The following KCNB2 variants were observed in gnomAD, a reference collection of about 807,000 sequenced individuals.
KCNB2 encodes the protein potassium voltage-gated channel subfamily B member 2, also known as delayed rectifier potassium channel protein.
A neutral mutation model predicts 61.5 loss-of-function variants in KCNB2; 15 were observed. The ratio of observed to expected loss-of-function variants is 0.24; its 90% CI spans 0.16 to 0.38. The LOEUF is 0.38. Among genes scored for constraint, KCNB2 ranks in the 10% least tolerant of loss-of-function variants. The probability of loss-of-function intolerance (pLI) is 1.00; values close to 1 mark genes in which losing one functional copy is unlikely to be tolerated. For missense variants in KCNB2, 828 were observed against 1,125.2 expected (o/e 0.74, Z 3.78); for synonymous variants, 457 against 446.0 (o/e 1.02, Z -0.31).
intron 2 of KCNB2, among the ~76,000 whole-genome samples, chr8:72,815,042 G>A (rs569709019): frequency 1.6e-3 from 244 of 152,274 alleles, no homozygotes; most frequent in Non-Finnish European, 2.8e-3. Context: ...TAAAGGTCAT[G>A]AAGAAGAAGT....
At chr8:72,711,940 T>A (rs1391271906) in intron 2 of KCNB2, among the ~76,000 whole-genome samples, 1 of 152,184 alleles carries the variant, frequency 6.6e-6, no homozygotes, top group African/African-American at 2.4e-5. Context: ...TGCAGTGAGC[T>A]GAGATCACAC....
At chr8:72,913,378 CAGG>C (rs1585971424) in intron 2 of KCNB2, among the ~76,000 whole-genome samples, 1 of 152,176 alleles carries the variant, frequency 6.6e-6, no homozygotes, top group East Asian at 1.9e-4. Flanking sequence ...GTCTTCCCTT[CAGG>C]AGATTACATT....
chr8:72,560,652 C>T (rs1033769608), intron 1 of KCNB2, among the ~76,000 whole-genome samples: 2 of 152,176 alleles, frequency 1.3e-5, no homozygotes, highest in African/African-American at 4.8e-5. Context: ...ATAGAAAACC[C>T]ACTAGCTGAA....
intron 2 of KCNB2, among the ~76,000 whole-genome samples, chr8:72,653,511 T>C (rs1394315891): frequency 1.3e-5 from 2 of 152,186 alleles, no homozygotes; most frequent in Non-Finnish European, 2.9e-5. Flanking sequence ...TTATTTATTT[T>C]TTGTTTATTG....
At chr8:72,690,573 C>G (rs1806925083) in intron 2 of KCNB2, among the ~76,000 whole-genome samples, 1 of 152,232 alleles carries the variant, frequency 6.6e-6, no homozygotes, top group Non-Finnish European at 1.5e-5. Flanking sequence ...AATCTTCTTG[C>G]AGACATAACC....
intron 2 of KCNB2, among the ~76,000 whole-genome samples, chr8:72,686,157 T>C (rs1226692170): frequency 6.6e-6 from 1 of 152,200 alleles, no homozygotes; most frequent in Non-Finnish European, 1.5e-5. Context: ...TTTTCCCATT[T>C]GAAACACAAA....
At chr8:72,599,059 A>G (rs1181803553) in intron 2 of KCNB2, among the ~76,000 whole-genome samples, 2 of 152,186 alleles carry the variant, frequency 1.3e-5, no homozygotes, top group Non-Finnish European at 2.9e-5. Flanking sequence ...TCCCCATCAA[A>G]CTACCAATGA....
chr8:72,572,262 A>G (rs1414420427), intron 2 of KCNB2, among the ~76,000 whole-genome samples: 1 of 152,170 alleles, frequency 6.6e-6, no homozygotes, highest in Non-Finnish European at 1.5e-5. Flanking sequence ...GCATAAGTGG[A>G]TGTGTGTGCC....
At chr8:72,552,639 A>G (rs1806361926) in intron 1 of KCNB2, among the ~76,000 whole-genome samples, 1 of 152,188 alleles carries the variant, frequency 6.6e-6, no homozygotes, top group East Asian at 1.9e-4. Context: ...CATGTAAGCA[A>G]TCTTTGGTGC....
chr8:72,541,452 A>C lies in KCNB2; in HGVS notation c.-94+3567A>C, dbSNP rs1269651370. On this transcript the variant is annotated intron_variant, in intron 1 of 2. Transcript: ENST00000523207. Reference sequence around the variant, plus strand: ...TTGTCTAAAGTCATATAGGAAATAAATGGTAAAGTCAAGCTTGAACCTAGG... The same window carrying C: ...TTGTCTAAAGTCATATAGGAAATAACTGGTAAAGTCAAGCTTGAACCTAGG... 5.3e-5 allele frequency among the ~76,000 whole-genome samples: 8 copies of C among 152,154 alleles called. 1 individual carries two copies.
At chr8:72,558,453 G>A (rs1465053537) in intron 1 of KCNB2, among the ~76,000 whole-genome samples, 1 of 152,160 alleles carries the variant, frequency 6.6e-6, no homozygotes, top group African/African-American at 2.4e-5. Context: ...TTCCGGGAAG[G>A]TACTTATCCT....
chr8:72,720,665 G>A (rs964878533), intron 2 of KCNB2, among the ~76,000 whole-genome samples: 1 of 151,992 alleles, frequency 6.6e-6, no homozygotes, highest in Admixed American at 6.6e-5. Flanking sequence ...GTGTCCCCAG[G>A]GCCCAGCACA....
chr8:72,855,176 C>T (rs1267359304), intron 2 of KCNB2, among the ~76,000 whole-genome samples: 1 of 152,186 alleles, frequency 6.6e-6, no homozygotes, highest in Non-Finnish European at 1.5e-5. Context: ...AAGTCTGAAT[C>T]CATCGTCCAC....
chr8:72,638,649 T>G (rs545757917), intron 2 of KCNB2, among the ~76,000 whole-genome samples: 1 of 152,284 alleles, frequency 6.6e-6, no homozygotes, highest in South Asian at 2.1e-4. Context: ...AAGCCGGCAG[T>G]GTCCCCAAAC....
At chr8:72,726,842 G>T (rs905463332) in intron 2 of KCNB2, among the ~76,000 whole-genome samples, 1 of 140,092 alleles carries the variant, frequency 7.1e-6, no homozygotes, top group Non-Finnish European at 1.5e-5. Flanking sequence ...AGCTCAGGAG[G>T]TACCTTCAGG....
intron 1 of KCNB2, among the ~76,000 whole-genome samples, chr8:72,555,021 C>T (rs1474874030): frequency 6.6e-6 from 1 of 151,952 alleles, no homozygotes; most frequent in Non-Finnish European, 1.5e-5. Context: ...TATAGGCATC[C>T]AGAATCCTTC....
intron 2 of KCNB2, among the ~76,000 whole-genome samples, chr8:72,587,819 T>A (rs893407532): frequency 5.9e-5 from 9 of 152,186 alleles, no homozygotes; most frequent in Admixed American, 5.2e-4. Flanking sequence ...TTTGTTAAAG[T>A]TGTTAAGGTT....
intron 2 of KCNB2, among the ~76,000 whole-genome samples, chr8:72,775,411 G>A (rs1239032243): frequency 3.9e-5 from 6 of 152,178 alleles, no homozygotes; most frequent in African/African-American, 1.4e-4. Flanking sequence ...TTAGAACATC[G>A]CAGAATGAGA....
In KCNB2 at chr8:72,937,202, C is replaced by T. The variant is rs758642951; in HGVS notation, c.1847C>T (p.Thr616Ile). The T allele has an allele frequency of 1.9e-6, 3 of 1,614,118 alleles. No homozygotes were observed. The highest frequency in any genetic ancestry group is 2.5e-6 in the Non-Finnish European group (3 of 1,180,018). The change falls in exon 3 of 3, where the codon ACA becomes ATA. Residue 616 changes from threonine to isoleucine, a missense_variant. Thr to Ile is a moderately conservative substitution (Grantham distance 89, BLOSUM62 -1). Around this residue, in one of 4 missense-constraint regions of KCNB2, gnomAD observed 559 missense variants for 588.4 expected, o/e 0.95. Coordinates refer to ENST00000523207, the MANE Select transcript of KCNB2 (RefSeq NM_004770.3). ...FTSCATDFTE[T>I]ERSPLPPPSA... ...AGCTGTGCCACCGACTTCACAGAGA[C>T]AGAGAGATCGCCGCTGCCGCCGCCC... is the stretch of plus-strand genomic sequence containing the variant.
Sources: allele counts gnomAD v4.1 joint callset (sites outside exome capture counted in the v4.1 genomes callset), GRCh38; gene constraint gnomAD v4.1.1; regional missense constraint gnomAD v4.1.1; transcripts MANE v1.5; gene names NCBI Gene and HGNC (gene_info 2026-07-23, HGNC 2026-07-21).